Variants in DEXI observed in about 807,000 individuals in gnomAD.
DEXI encodes Dexi homolog.
A neutral mutation model predicts 2.5 loss-of-function variants in DEXI; 2 were observed. That is an observed-to-expected ratio of 0.81 (90% CI 0.33 to 2.55). The LOEUF is 2.55. Ranked by LOEUF, DEXI falls within the 30% of genes most tolerant of loss-of-function variation. The probability of loss-of-function intolerance (pLI) is 0.11; values close to 1 mark genes in which losing one functional copy is unlikely to be tolerated. For synonymous variants in DEXI, 71 were observed against 68.7 expected (o/e 1.03, Z -0.17); for missense variants, 108 against 130.3 (o/e 0.83, Z 0.83).
At position 10,941,880 on chromosome 16, in the gene DEXI, G is replaced by A; in HGVS notation, c.126C>T (p.Tyr42=). 4 of 1,611,828 alleles carry A rather than the reference G, an allele frequency of 2.5e-6. No individual in the cohort carries two copies. Among genetic ancestry groups the A allele is most frequent in the Non-Finnish European group, 3.4e-6 (4 of 1,179,666 alleles). Residue 42 remains tyrosine, a synonymous_variant, in exon 1 of 2, where the codon TAC becomes TAT. Coordinates refer to ENST00000331808, the MANE Select transcript of DEXI (RefSeq NM_014015.4). The surrounding 1 kb of genome is among the most constrained non-coding windows in gnomAD (Gnocchi z 6.4). ...GLFFVNVLIL[Y]YAFLMEYIVL... is the part of the protein sequence containing the mutation. Reference sequence around the variant, plus strand: ...CGATGTACTCCATGAGGAAGGCGTAGTACAGGATCAGCACATTGACGAAGA... The same window carrying A: ...CGATGTACTCCATGAGGAAGGCGTAATACAGGATCAGCACATTGACGAAGA...
In DEXI at chr16:10,941,487, G is replaced by T; in HGVS notation, c.*149+82C>A. ...AACGGAGGAGAAGCCTGAGGGAGGGGTGTGTATCCGGCCTGGGAATTCCTC... is the reference window on the plus strand; with the variant it reads ...AACGGAGGAGAAGCCTGAGGGAGGGTTGTGTATCCGGCCTGGGAATTCCTC... On this transcript the variant is annotated intron_variant, in intron 1 of 1. Transcript: ENST00000331808. The surrounding 1 kb of genome is among the most constrained non-coding windows in gnomAD (Gnocchi z 6.4). 7.7e-7 allele frequency: 1 copy of T among 1,305,516 alleles called. No homozygotes were observed. Among genetic ancestry groups the T allele is most frequent in the South Asian group, 1.8e-5 (1 of 55,570 alleles). The allele number at this position is 1,305,516 out of a possible 1,614,324, so 80.9% of individuals were successfully genotyped here.
Position 10,941,606 on chromosome 16 carries a change from C to G in DEXI, c.*112G>C. 5.4e-6 allele frequency: 8 copies of G among 1,492,942 alleles called. No individual in the cohort carries two copies. The highest frequency in any genetic ancestry group is 2.5e-5 in the Admixed American group (1 of 40,016). 92.5% of individuals were successfully genotyped at this position (1,492,942 alleles called of 1,614,324 possible). A position where few individuals can be genotyped will look rare whatever the true frequency, so the allele number is the denominator to read the frequency against. On this transcript the variant is annotated 3_prime_UTR_variant, in exon 1 of 2. Transcript: ENST00000331808. The surrounding 1 kb of genome is among the most constrained non-coding windows in gnomAD (Gnocchi z 6.4). ...CAGGGGAGGGTCTCCTCCTGGGGAACCATCCCCGTCCAGATGGTGCCCCCA... is the reference window on the plus strand; with the variant it reads ...CAGGGGAGGGTCTCCTCCTGGGGAAGCATCCCCGTCCAGATGGTGCCCCCA...
rs2041042249 is a variant in DEXI, at chr16:10,937,293, T to G, written c.*149+4276A>C. ...GCCACAGCTTCCTGGCCTGGTTTCC[T>G]GCATCCGCCCTGACCCCTGGCTGTG... On this transcript the variant is annotated intron_variant, in intron 1 of 1. Transcript: ENST00000331808. This position sits in a 1 kb window ranked among gnomAD's most constrained non-coding sequence, Gnocchi z 4.2. 6.6e-6 allele frequency: 1 copy of G among 152,384 alleles called. No individual in the cohort carries two copies. 9.4% of individuals were successfully genotyped at this position (152,384 alleles called of 1,614,324 possible).
At chr16:10,936,547 C>T (rs1183986701) in intron 1 of DEXI, 1 of 152,210 alleles carries the variant, frequency 6.6e-6, no homozygotes, top group African/African-American at 2.4e-5. Context: ...TTTGGGCGGG[C>T]ATTGTTTGTG....
rs1321824761 is a variant in DEXI at position 10,941,039 on chromosome 16, T to G, written c.*149+530A>C. 2 of 152,314 alleles carry G rather than the reference T, an allele frequency of 1.3e-5. No individual in the cohort carries two copies. Among genetic ancestry groups the G allele is most frequent in the Admixed American group, 1.3e-4 (2 of 15,284 alleles). 9.4% of individuals were successfully genotyped at this position (152,314 alleles called of 1,614,324 possible). A position where few individuals can be genotyped will look rare whatever the true frequency, so the allele number is the denominator to read the frequency against. On this transcript the variant is annotated intron_variant, in intron 1 of 1. Coordinates refer to ENST00000331808, the MANE Select transcript of DEXI (RefSeq NM_014015.4). This position sits in a 1 kb window ranked among gnomAD's most constrained non-coding sequence, Gnocchi z 6.4. ...CCAAGGCCAAAAGGAAGTACGGGCT[T>G]CTTTGCTTGCGATTTCTCCTCTCAC...
At position 10,941,798 on chromosome 16, in the gene DEXI, G is replaced by T. The variant is rs745850724; in HGVS notation, c.208C>A (p.Leu70Ile). The T allele has an allele frequency of 4.3e-6, 7 of 1,613,576 alleles. No individual in the cohort carries two copies. Among genetic ancestry groups the T allele is most frequent in the Non-Finnish European group, 5.9e-6 (7 of 1,179,858 alleles). Residue 70 changes from leucine (L) to isoleucine (I), a missense_variant, in exon 1 of 2, where the codon CTC (leucine) becomes ATC (isoleucine). By Grantham distance (5) the Leu-to-Ile change is conservative. Transcript: ENST00000331808. The surrounding 1 kb of genome is among the most constrained non-coding windows in gnomAD (Gnocchi z 6.4). Reference protein sequence around the residue: ...PEDMDQALVDLGVLSDPGSGL... With the variant: ...PEDMDQALVDIGVLSDPGSGL... Reference sequence around the variant, plus strand: ...GAGCCGGGGTCGGAGAGCACGCCGAGGTCCACGAGCGCCTGGTCCATGTCC... The same window carrying T: ...GAGCCGGGGTCGGAGAGCACGCCGATGTCCACGAGCGCCTGGTCCATGTCC...
At position 10,938,197 on chromosome 16, in the gene DEXI, T is replaced by G. The variant is rs1257835423; in HGVS notation, c.*149+3372A>C. On this transcript the variant is annotated intron_variant, in intron 1 of 1. Coordinates refer to ENST00000331808, the MANE Select transcript of DEXI (RefSeq NM_014015.4). The surrounding 1 kb of genome is among the most constrained non-coding windows in gnomAD (Gnocchi z 4.9). ...AGGGAGATTTTCATTATTTCCATCT[T>G]CTAGAAGAGGAAACCAAAGTACAGG... The G allele has an allele frequency of 1.3e-5, 2 of 152,110 alleles. No individual in the cohort carries two copies. Among genetic ancestry groups the G allele is most frequent in the Admixed American group, 6.5e-5 (1 of 15,272 alleles). The allele number at this position is 152,110 out of a possible 1,614,324, so 9.4% of individuals were successfully genotyped here.
At chr16:10,935,575 A>C (rs1473510551) in intron 1 of DEXI, 1 of 152,246 alleles carries the variant, frequency 6.6e-6, no homozygotes, top group Non-Finnish European at 1.5e-5. Context: ...AGTGCATTTC[A>C]TCTTAAACTG....
At chr16:10,931,692 AC>A (rs925370188) in intron 1 of DEXI, 38 of 152,380 alleles carry the variant, frequency 2.5e-4, no homozygotes, top group Admixed American at 2.4e-3. Flanking sequence ...AGCCTGGCCA[AC>A]ATGGCGAAAC....
chr16:10,930,573 A>G (rs2040742679), intron 1 of DEXI: 2 of 152,252 alleles, frequency 1.3e-5, no homozygotes, highest in Admixed American at 6.5e-5. Flanking sequence ...GGTTCAGAGA[A>G]GCCAAGTAAC....
chr16:10,935,861 A>C (rs2041002640), intron 1 of DEXI: 1 of 152,236 alleles, frequency 6.6e-6, no homozygotes, highest in Non-Finnish European at 1.5e-5. Flanking sequence ...ATGTCACAAG[A>C]GAGAAAGACA....
Position 10,929,295 on chromosome 16 carries a change from G to C in DEXI, c.*414C>G, listed in dbSNP as rs1474623914. On this transcript the variant is annotated 3_prime_UTR_variant, in exon 2 of 2. Coordinates refer to ENST00000331808, the MANE Select transcript of DEXI (RefSeq NM_014015.4). The surrounding 1 kb of genome is among the most constrained non-coding windows in gnomAD (Gnocchi z 4.3). Reference sequence around the variant, plus strand: ...CTCCGAAGGTGAAGTGGGGGAAGCAGGTGCGCTCCGGGATGAAGTGCAGGG... The same window carrying C: ...CTCCGAAGGTGAAGTGGGGGAAGCACGTGCGCTCCGGGATGAAGTGCAGGG... 1 of 985,872 alleles carries C rather than the reference G, an allele frequency of 1.0e-6. No individual in the cohort carries two copies. Among genetic ancestry groups the C allele is most frequent in the East Asian group, 1.1e-4 (1 of 8,838 alleles). 61.1% of individuals were successfully genotyped at this position (985,872 alleles called of 1,614,324 possible).
intron 1 of DEXI, chr16:10,936,806 A>G (rs1016699078): frequency 6.6e-5 from 10 of 152,196 alleles, no homozygotes; most frequent in African/African-American, 2.4e-4. Flanking sequence ...CCACTTCCCC[A>G]TTCTGTGCCT....
chr16:10,930,558 A>T (rs2040741936), intron 1 of DEXI: 1 of 152,260 alleles, frequency 6.6e-6, no homozygotes, highest in Non-Finnish European at 1.5e-5. Context: ...AGGATAAGAA[A>T]TTGAGGTTCA....
chr16:10,929,067 C>T lies in DEXI; in HGVS notation c.*642G>A, dbSNP rs750242089. On this transcript the variant is annotated 3_prime_UTR_variant, in exon 2 of 2. Transcript: ENST00000331808. The surrounding 1 kb of genome is among the most constrained non-coding windows in gnomAD (Gnocchi z 4.3). ...TCTGTTTTGCCAACTTGCTGAAGAACGAGTAACCTGAAATGAAGGAGCGAG... is the reference window on the plus strand; with the variant it reads ...TCTGTTTTGCCAACTTGCTGAAGAATGAGTAACCTGAAATGAAGGAGCGAG... The T allele has an allele frequency of 5.0e-5, 17 of 337,104 alleles. No homozygotes were observed. The highest frequency in any genetic ancestry group is 6.5e-5 in the Admixed American group (1 of 15,494). The allele number at this position is 337,104 out of a possible 1,614,324, so 20.9% of individuals were successfully genotyped here. A position where few individuals can be genotyped will look rare whatever the true frequency, so the allele number is the denominator to read the frequency against.
Position 10,941,644 on chromosome 16 carries a change from G to A in DEXI, c.*74C>T. ...GATGGTGCCCCCAACCAGCTGCGGCGGCATGATCTGGGCGGCTGGTCCAGG... is the reference window on the plus strand; with the variant it reads ...GATGGTGCCCCCAACCAGCTGCGGCAGCATGATCTGGGCGGCTGGTCCAGG... On this transcript the variant is annotated 3_prime_UTR_variant, in exon 1 of 2. Transcript: ENST00000331808. This position sits in a 1 kb window ranked among gnomAD's most constrained non-coding sequence, Gnocchi z 6.4. 1 of 1,531,378 alleles carries A rather than the reference G, an allele frequency of 6.5e-7. No homozygotes were observed. The highest frequency in any genetic ancestry group is 8.8e-7 in the Non-Finnish European group (1 of 1,138,496). The allele number at this position is 1,531,378 out of a possible 1,614,324, so 94.9% of individuals were successfully genotyped here. A position where few individuals can be genotyped will look rare whatever the true frequency, so the allele number is the denominator to read the frequency against.
Position 10,929,338 on chromosome 16 carries a change from G to C in DEXI, c.*371C>G. 1 of 985,956 alleles carries C rather than the reference G, an allele frequency of 1.0e-6. No individual in the cohort carries two copies. The highest frequency in any genetic ancestry group is 1.2e-6 in the Non-Finnish European group (1 of 829,988). 61.1% of individuals were successfully genotyped at this position (985,956 alleles called of 1,614,324 possible). ...GTGCAGGGAGGCAAACTCTGGCTGG[G>C]TTCCTGTAAACATCCATCGCAGCTG... On this transcript the variant is annotated 3_prime_UTR_variant, in exon 2 of 2. Transcript: ENST00000331808. This position sits in a 1 kb window ranked among gnomAD's most constrained non-coding sequence, Gnocchi z 4.3.
chr16:10,933,973 G>A lies in DEXI; in HGVS notation c.*150-4414C>T, dbSNP rs376434800. 2.0e-5 allele frequency: 3 copies of A among 152,348 alleles called. No individual in the cohort carries two copies. In the South Asian group the frequency reaches 6.2e-4, roughly 32 times the overall value. The allele number at this position is 152,348 out of a possible 1,614,324, so 9.4% of individuals were successfully genotyped here. ...CCGGAAGGAGACAGACGGCAAAGGAGAAGCTGCCTGTCTCTGCACAGGTCC... is the reference window on the plus strand; with the variant it reads ...CCGGAAGGAGACAGACGGCAAAGGAAAAGCTGCCTGTCTCTGCACAGGTCC... On this transcript the variant is annotated intron_variant, in intron 1 of 1. Coordinates refer to ENST00000331808, the MANE Select transcript of DEXI (RefSeq NM_014015.4).
Position 10,934,214 on chromosome 16 carries a change from A to G in DEXI, c.*150-4655T>C, listed in dbSNP as rs549877068. The G allele has an allele frequency of 1.3e-5, 2 of 152,362 alleles. No homozygotes were observed. The highest frequency in any genetic ancestry group is 3.9e-4 in the East Asian group (2 of 5,192). 9.4% of individuals were successfully genotyped at this position (152,362 alleles called of 1,614,324 possible). ...CCTCCCTCCAGGTCCTGCCACATCC[A>G]AGAACCACCTGGACTATTATTTACT... On this transcript the variant is annotated intron_variant, in intron 1 of 1. Coordinates refer to ENST00000331808, the MANE Select transcript of DEXI (RefSeq NM_014015.4). The surrounding 1 kb of genome is among the most constrained non-coding windows in gnomAD (Gnocchi z 4.2).
Sources: gnomAD v4.1 joint callset for allele counts on GRCh38, gnomAD v4.1.1 for gene constraint, Gnocchi (gnomAD v3.1) non-coding constraint, MANE v1.5 for transcripts, NCBI Gene and HGNC (gene_info 2026-07-23, HGNC 2026-07-21) for gene names.